The following RBFOX3 variants were observed in gnomAD, a reference collection of about 807,000 sequenced individuals.
RBFOX3 encodes RNA binding fox-1 homolog 3.
A neutral mutation model predicts 48.7 loss-of-function variants in RBFOX3; 17 were observed. That is an observed-to-expected ratio of 0.35 (90% CI 0.24 to 0.52). The LOEUF (loss-of-function observed/expected upper bound fraction) is 0.52, where lower values mean the gene tolerates loss of function less well. RBFOX3 is among the 20% of genes least tolerant of loss of function. The probability of loss-of-function intolerance (pLI) is 0.94; values close to 1 mark genes in which losing one functional copy is unlikely to be tolerated. For missense variants in RBFOX3, 382 were observed against 497.5 expected (o/e 0.77, Z 2.21); for synonymous variants, 212 against 209.5 (o/e 1.01, Z -0.10).
At chr17:79,133,559 C>A (rs1010822020) in intron 4 of RBFOX3, among the ~76,000 whole-genome samples, 5 of 152,222 alleles carry the variant, frequency 3.3e-5, no homozygotes, top group African/African-American at 1.2e-4. Context: ...TGTCCAAATA[C>A]CTCCTCTGGG....
At chr17:79,289,244 A>G (rs2072734327) in intron 3 of RBFOX3, among the ~76,000 whole-genome samples, 1 of 152,226 alleles carries the variant, frequency 6.6e-6, no homozygotes, top group South Asian at 2.1e-4. Flanking sequence ...GGCAAGAGCC[A>G]TCTGGAGCCC....
rs1057182638 is a variant in RBFOX3 at position 79,560,757 on chromosome 17, C to T, written c.-320+50069G>A. Among the ~76,000 whole-genome samples, 4 of 152,240 alleles carry T rather than the reference C, an allele frequency of 2.6e-5. No homozygotes were observed. The East Asian group carries it at 7.7e-4, about 29-fold the overall frequency. ...ACCCACTTCCCCACCCATGACAGCA[C>T]GGCCAGCGCGAGAGCTGCAGCTGCA... On this transcript the variant is annotated intron_variant, in intron 1 of 14. Transcript: ENST00000693108.
At chr17:79,496,182 G>A (rs1490560623) in intron 1 of RBFOX3, among the ~76,000 whole-genome samples, 1 of 152,026 alleles carries the variant, frequency 6.6e-6, no homozygotes, top group African/African-American at 2.4e-5. Context: ...GGGCTTCCGG[G>A]AGTTCAGAGT....
rs549303380 is a variant in RBFOX3, at chr17:79,204,359, T to C, written c.-34+31407A>G. On this transcript the variant is annotated intron_variant, in intron 4 of 14. Transcript: ENST00000693108. The surrounding 1 kb of genome is among the most constrained non-coding windows in gnomAD (Gnocchi z 4.5). Reference sequence around the variant, plus strand: ...GGGGAGCAGGGGGCGTAGGTGGGGTTGGGGCAGAATGTAAGTCTGAACAGA... The same window carrying C: ...GGGGAGCAGGGGGCGTAGGTGGGGTCGGGGCAGAATGTAAGTCTGAACAGA... 1.3e-5 allele frequency among the ~76,000 whole-genome samples: 2 copies of C among 152,154 alleles called. No individual in the cohort carries two copies. The highest frequency in any genetic ancestry group is 1.9e-4 in the East Asian group (1 of 5,162).
chr17:79,113,582 G>A lies in RBFOX3; in HGVS notation c.222+1912C>T, dbSNP rs576384883. Among the ~76,000 whole-genome samples the A allele has an allele frequency of 4.7e-4, 72 of 152,270 alleles. 1 individual carries two copies. Among genetic ancestry groups the A allele is most frequent in the African/African-American group, 1.7e-3 (69 of 41,556 alleles). ...TCCCACCTGGACACGCTTCCTGGGA[G>A]GCTCTGGAGGCTAATAACTGGGTGG... On this transcript the variant is annotated intron_variant, in intron 5 of 14. Transcript: ENST00000693108.
At chr17:79,516,683 G>A (rs2085292474) in intron 1 of RBFOX3, among the ~76,000 whole-genome samples, 1 of 152,216 alleles carries the variant, frequency 6.6e-6, no homozygotes, top group African/African-American at 2.4e-5. Flanking sequence ...CAGCGAGATG[G>A]AGCCACAGAC....
chr17:79,417,682 C>G (rs2148684863), intron 2 of RBFOX3, among the ~76,000 whole-genome samples: 1 of 152,340 alleles, frequency 6.6e-6, no homozygotes, highest in Admixed American at 6.5e-5. Flanking sequence ...CTTAAACAAT[C>G]AGATGGAATT....
At chr17:79,163,476 C>T (rs973159633) in intron 4 of RBFOX3, among the ~76,000 whole-genome samples, 1 of 152,252 alleles carries the variant, frequency 6.6e-6, no homozygotes, top group African/African-American at 2.4e-5. Flanking sequence ...GCCCCAGACC[C>T]TTCTGGTTTG....
intron 1 of RBFOX3, among the ~76,000 whole-genome samples, chr17:79,487,219 G>A (rs887541434): frequency 5.5e-4 from 84 of 152,322 alleles, no homozygotes; most frequent in African/African-American, 2.0e-3. Context: ...GCCACAGGCA[G>A]ATAGCCCAGG....
intron 1 of RBFOX3, among the ~76,000 whole-genome samples, chr17:79,564,717 C>T (rs923683841): frequency 1.1e-4 from 16 of 152,208 alleles, no homozygotes; most frequent in African/African-American, 3.9e-4. Flanking sequence ...TGGGGACATC[C>T]ACACCACAGA....
chr17:79,465,692 G>A (rs894236433), intron 2 of RBFOX3, among the ~76,000 whole-genome samples: 30 of 152,224 alleles, frequency 2.0e-4, no homozygotes, highest in African/African-American at 6.3e-4. Flanking sequence ...CTTCTGGCCT[G>A]GAGGGCTCCC....
chr17:79,478,166 G>A (rs766428259), intron 2 of RBFOX3, among the ~76,000 whole-genome samples: 16 of 152,318 alleles, frequency 1.1e-4, no homozygotes, highest in East Asian at 7.7e-4. Flanking sequence ...CATGCTCCCC[G>A]TGTGATGGAT....
At position 79,150,821 on chromosome 17, in the gene RBFOX3, G is replaced by A. The variant is rs563354554; in HGVS notation, c.-33-35073C>T. On this transcript the variant is annotated intron_variant, in intron 4 of 14. Transcript: ENST00000693108. ...CCACAGGGTGCCTCTGACTGGCCAT[G>A]GGGCCTCAGGGGGGTCACCTCAGCT... Among the ~76,000 whole-genome samples, 12 of 152,318 alleles carry A rather than the reference G, an allele frequency of 7.9e-5. No homozygotes were observed. In the South Asian group the frequency reaches 2.3e-3, roughly 29 times the overall value.
rs2057428570 is a variant in RBFOX3, at chr17:79,205,973, T to A, written c.-34+29793A>T. Among the ~76,000 whole-genome samples the A allele has an allele frequency of 6.6e-6, 1 of 152,166 alleles. No individual in the cohort carries two copies. Among genetic ancestry groups the A allele is most frequent in the South Asian group, 2.1e-4 (1 of 4,830 alleles). ...TATAGTCTGCAGGGACCTTGGCCGT[T>A]GTGACATTCCAGAGAATATGCTCAT... On this transcript the variant is annotated intron_variant, in intron 4 of 14. Coordinates refer to ENST00000693108, the MANE Select transcript of RBFOX3 (RefSeq NM_001350451.2). The surrounding 1 kb of genome is among the most constrained non-coding windows in gnomAD (Gnocchi z 4.5).
At chr17:79,586,396 C>G (rs1786998555) in intron 1 of RBFOX3, among the ~76,000 whole-genome samples, 5 of 152,238 alleles carry the variant, frequency 3.3e-5, no homozygotes, top group South Asian at 2.1e-4. Flanking sequence ...CAGCTGGGAC[C>G]AGCCAAGCAT....
chr17:79,332,231 C>G (rs1445977424), intron 2 of RBFOX3, among the ~76,000 whole-genome samples: 1 of 152,226 alleles, frequency 6.6e-6, no homozygotes. Context: ...AATTGGAGAT[C>G]ACTCCAGGCC....
At chr17:79,203,038 A>C (rs1464200692) in intron 4 of RBFOX3, among the ~76,000 whole-genome samples, 4 of 151,968 alleles carry the variant, frequency 2.6e-5, no homozygotes, top group African/African-American at 7.2e-5. Context: ...TTCCCAAAAT[A>C]TGCTACCTGC....
In RBFOX3 at chr17:79,090,778, T is replaced by C. The variant is rs1168869489; in HGVS notation, c.*105A>G. ...CCTCTTGGTTTGGTTGGTTTTTTTT[T>C]TGTTGCTTGGATCTTAACATCTTTT... is the stretch of plus-strand genomic sequence containing the variant. On this transcript the variant is annotated 3_prime_UTR_variant, in exon 15 of 15. Coordinates refer to ENST00000693108, the MANE Select transcript of RBFOX3 (RefSeq NM_001350451.2). 4 of 1,364,158 alleles carry C rather than the reference T, an allele frequency of 2.9e-6. No individual in the cohort carries two copies. The highest frequency in any genetic ancestry group is 1.4e-5 in the South Asian group (1 of 69,100). 84.5% of individuals were successfully genotyped at this position (1,364,158 alleles called of 1,614,324 possible).
At chr17:79,321,292 C>T (rs1260249549) in intron 2 of RBFOX3, among the ~76,000 whole-genome samples, 1 of 152,210 alleles carries the variant, frequency 6.6e-6, no homozygotes, top group African/African-American at 2.4e-5. Flanking sequence ...TCTGCACCAA[C>T]TTCTCAGTGT....
Sources: gnomAD v4.1 joint callset for allele counts (sites outside exome capture counted in the v4.1 genomes callset) on GRCh38, gnomAD v4.1.1 for gene constraint, Gnocchi (gnomAD v3.1) non-coding constraint, MANE v1.5 for transcripts, NCBI Gene and HGNC (gene_info 2026-07-23, HGNC 2026-07-21) for gene names.